SEMA3A: variants seen among roughly 807,000 people sequenced by gnomAD.
SEMA3A encodes the protein semaphorin 3A.
SEMA3A carries 29 observed loss-of-function variants against 97.9 expected under a neutral mutation model. The observed-to-expected ratio is 0.30, with a 90% CI of 0.22 to 0.40. The LOEUF is 0.40. Among genes scored for constraint, SEMA3A ranks in the 10% least tolerant of loss-of-function variants. The probability of loss-of-function intolerance (pLI) is 1.00; values close to 1 mark genes in which losing one functional copy is unlikely to be tolerated. For synonymous variants in SEMA3A, 321 were observed against 323.7 expected (o/e 0.99, Z 0.09); for missense variants, 763 against 951.3 (o/e 0.80, Z 2.60).
intron 6 of SEMA3A, among the ~76,000 whole-genome samples, chr7:84,019,714 A>C (rs1201482506): frequency 7.1e-6 from 1 of 140,558 alleles, no homozygotes; most frequent in African/African-American, 2.5e-5. Context: ...TTGATAATCA[A>C]CCAGAACTAT....
chr7:84,089,224 C>G (rs1012934544), intron 4 of SEMA3A, among the ~76,000 whole-genome samples: 1 of 152,064 alleles, frequency 6.6e-6, no homozygotes, highest in African/African-American at 2.4e-5. Context: ...TAGTCATAAC[C>G]GTTCTGTTTA....
intron 2 of SEMA3A, among the ~76,000 whole-genome samples, chr7:84,357,240 A>G (rs940369406): frequency 4.0e-5 from 6 of 151,672 alleles, no homozygotes; most frequent in Admixed American, 6.6e-5. Flanking sequence ...TTAACTTGTC[A>G]TTTACATTAG....
intron 6 of SEMA3A, among the ~76,000 whole-genome samples, chr7:84,015,321 C>T (rs1562973861): frequency 6.6e-6 from 1 of 152,008 alleles, no homozygotes; most frequent in African/African-American, 2.4e-5. Flanking sequence ...TCATGAATAT[C>T]TGTGCAATGA....
At chr7:84,013,477 A>G (rs917918212) in intron 7 of SEMA3A, among the ~76,000 whole-genome samples, 4 of 152,204 alleles carry the variant, frequency 2.6e-5, no homozygotes, top group African/African-American at 7.2e-5. Flanking sequence ...ATAGGATGCT[A>G]CAATCAGTTT....
intron 1 of SEMA3A, among the ~76,000 whole-genome samples, chr7:84,445,516 A>AAAAAAAAAAAAAAAAAAAAAAAAAAAAAG: frequency 8.1e-6 from 1 of 123,698 alleles, no homozygotes; most frequent in South Asian, 2.5e-4. Flanking sequence ...AAAAAAAAAA[A>AAAAAAAAAAAAAAAAAAAAAAAAAAAAAG]AAAAGAAAAG....
chr7:84,418,970 C>CAT (rs999976786), intron 1 of SEMA3A, among the ~76,000 whole-genome samples: 3 of 151,782 alleles, frequency 2.0e-5, no homozygotes, highest in African/African-American at 7.3e-5. Flanking sequence ...CACACACATA[C>CAT]ATATATATAC....
chr7:84,221,027 A>G (rs1310108306), intron 3 of SEMA3A, among the ~76,000 whole-genome samples: 1 of 152,176 alleles, frequency 6.6e-6, no homozygotes, highest in African/African-American at 2.4e-5. Flanking sequence ...TGTTTCATCT[A>G]CTATGAAAAT....
chr7:84,007,518 A>G (rs1185574534), intron 9 of SEMA3A, 21 bp from the exon 10 acceptor site: 2 of 1,502,390 alleles, frequency 1.3e-6, no homozygotes, highest in African/African-American at 2.8e-5. Context: ...CAGCAAGAAT[A>G]AAAACAGAAG....
chr7:84,048,260 C>A (rs549687574), intron 5 of SEMA3A, among the ~76,000 whole-genome samples: 1 of 151,998 alleles, frequency 6.6e-6, no homozygotes, highest in East Asian at 1.9e-4. Flanking sequence ...CTGAATTGCT[C>A]TCACTAAAAT....
intron 1 of SEMA3A, among the ~76,000 whole-genome samples, chr7:84,476,045 G>A (rs368302725): frequency 2.6e-5 from 4 of 152,088 alleles, no homozygotes; most frequent in African/African-American, 9.7e-5. Context: ...TTAGAGATAA[G>A]ATAAAGAAAG....
At chr7:84,123,303 T>C (rs1795683861) in intron 3 of SEMA3A, among the ~76,000 whole-genome samples, 1 of 152,102 alleles carries the variant, frequency 6.6e-6, no homozygotes, top group African/African-American at 2.4e-5. Context: ...GCAGCCAGAA[T>C]ACAGGTATCT....
At chr7:84,178,087 G>A (rs1459417169) in intron 1 of SEMA3A, among the ~76,000 whole-genome samples, 3 of 152,046 alleles carry the variant, frequency 2.0e-5, no homozygotes, top group South Asian at 2.1e-4. Flanking sequence ...ATACAATGCA[G>A]GGAAAAAGCA....
chr7:84,463,882 A>T (rs965530866), intron 1 of SEMA3A, among the ~76,000 whole-genome samples: 1 of 151,842 alleles, frequency 6.6e-6, no homozygotes, highest in Non-Finnish European at 1.5e-5. Flanking sequence ...TTTTTCCTCT[A>T]TATATTTTGT....
At chr7:84,398,516 G>T (rs1295531876) in intron 1 of SEMA3A, among the ~76,000 whole-genome samples, 4 of 152,142 alleles carry the variant, frequency 2.6e-5, no homozygotes, top group Admixed American at 2.6e-4. Flanking sequence ...CCTAGTATTT[G>T]GGAAGCTGAG....
intron 1 of SEMA3A, among the ~76,000 whole-genome samples, chr7:84,141,353 G>A (rs1796286056): frequency 6.6e-6 from 1 of 152,066 alleles, no homozygotes; most frequent in Non-Finnish European, 1.5e-5. Flanking sequence ...CTTTTCCTAG[G>A]ACATGTTTCC....
At chr7:84,388,568 T>G (rs192767140) in intron 1 of SEMA3A, among the ~76,000 whole-genome samples, 1 of 152,192 alleles carries the variant, frequency 6.6e-6, no homozygotes. Flanking sequence ...AGGCTGCTAT[T>G]ACCAGAATTT....
Position 84,175,872 on chromosome 7 carries a change from C to A in SEMA3A, c.112+18603G>T, listed in dbSNP as rs116187765. ...GTCTAGAAGTAGGTACAGGAGCAGA[C>A]TCTGTGAACCTTCCTTGCCCCACAA... On this transcript the variant is annotated intron_variant, in intron 1 of 16. Coordinates refer to ENST00000265362, the MANE Select transcript of SEMA3A (RefSeq NM_006080.3). Among the ~76,000 whole-genome samples, 1,281 of 152,206 alleles carry A rather than the reference C, an allele frequency of 8.4e-3. 17 individuals are homozygous for A. Among genetic ancestry groups the A allele is most frequent in the African/African-American group, 0.029 (1,221 of 41,546 alleles).
intron 2 of SEMA3A, among the ~76,000 whole-genome samples, chr7:84,353,116 C>G (rs1272434923): frequency 1.3e-5 from 2 of 151,684 alleles, no homozygotes; most frequent in Non-Finnish European, 3.0e-5. Flanking sequence ...ACTTATAATA[C>G]CCAATATAAT....
chr7:83,993,403 C>T (rs1790051518), intron 12 of SEMA3A, among the ~76,000 whole-genome samples: 1 of 151,684 alleles, frequency 6.6e-6, no homozygotes, highest in Admixed American at 6.6e-5. Context: ...GCAGTTTCTT[C>T]CTAGTCTTGA....
Sources: allele counts gnomAD v4.1 joint callset (sites outside exome capture counted in the v4.1 genomes callset), GRCh38; gene constraint gnomAD v4.1.1; transcripts MANE v1.5; gene names NCBI Gene and HGNC (gene_info 2026-07-23, HGNC 2026-07-21).